MSANTD4: variants seen among roughly 807,000 people sequenced by gnomAD.
MSANTD4 encodes Myb/SANT DNA binding domain containing 4 with coiled-coils, also known as myb/SANT-like DNA-binding domain-containing protein 4.
MSANTD4 carries 13 observed loss-of-function variants against 34.3 expected under a neutral mutation model. That is an observed-to-expected ratio of 0.38 (90% CI 0.25 to 0.60). MSANTD4 has a LOEUF of 0.60. MSANTD4 is among the 20% of genes least tolerant of loss of function. The pLI is 0.63. For synonymous variants in MSANTD4, 137 were observed against 145.2 expected (o/e 0.94, Z 0.41); for missense variants, 358 against 401.8 (o/e 0.89, Z 0.93).
intron 1 of MSANTD4, among the ~76,000 whole-genome samples, chr11:106,020,298 G>C (rs1385378804): frequency 1.3e-5 from 2 of 152,150 alleles, no homozygotes; most frequent in Admixed American, 6.6e-5. Flanking sequence ...AATTAGGATA[G>C]TGCCAAGCAG....
At position 106,010,038 on chromosome 11, in the gene MSANTD4, C is replaced by T. The variant is rs376999486; in HGVS notation, c.535G>A (p.Asp179Asn). ...PDSRRENELP[D>N]FPHIDEFFTL... ...AAAAACTCATCAATGTGGGGGAAAT[C>T]GGGAAGTTCATTTTCTCTCCTGGAA... Residue 179 changes from aspartate (D) to asparagine (N), a missense_variant, in exon 3 of 3, where the codon GAT becomes AAT. Coordinates refer to ENST00000301919, the MANE Select transcript of MSANTD4 (RefSeq NM_032424.3). 47 of 1,600,384 alleles carry T rather than the reference C, an allele frequency of 2.9e-5. 1 individual carries two copies. The highest frequency in any genetic ancestry group is 5.4e-5 in the African/African-American group (4 of 74,450).
chr11:106,014,547 T>C (rs1384642115), intron 1 of MSANTD4, among the ~76,000 whole-genome samples: 2 of 152,232 alleles, frequency 1.3e-5, no homozygotes, highest in East Asian at 1.9e-4. Flanking sequence ...AGCAAAAATA[T>C]AGCAATTAAG....
At chr11:106,017,519 T>C (rs1384205742) in intron 1 of MSANTD4, among the ~76,000 whole-genome samples, 2 of 152,194 alleles carry the variant, frequency 1.3e-5, no homozygotes, top group Non-Finnish European at 2.9e-5. Flanking sequence ...AAAATATACA[T>C]ATAGTTAGAA....
Position 106,008,311 on chromosome 11 carries a change from A to C in MSANTD4, c.*1224T>G, listed in dbSNP as rs1029303864. The C allele has an allele frequency of 5.2e-5, 8 of 152,438 alleles. No individual in the cohort carries two copies. The highest frequency in any genetic ancestry group is 8.8e-5 in the Non-Finnish European group (6 of 68,040). The allele number at this position is 152,438 out of a possible 1,614,324, so 9.4% of individuals were successfully genotyped here. ...AGATACGTGCTTTGTTCCTCAGGGAAGAGGGAAGGACAAAATATACTACAA... is the reference window on the plus strand; with the variant it reads ...AGATACGTGCTTTGTTCCTCAGGGACGAGGGAAGGACAAAATATACTACAA... On this transcript the variant is annotated 3_prime_UTR_variant, in exon 3 of 3. Transcript: ENST00000301919.
intron 1 of MSANTD4, among the ~76,000 whole-genome samples, chr11:106,017,389 C>T (rs1286661826): frequency 6.6e-6 from 1 of 152,138 alleles, no homozygotes; most frequent in Non-Finnish European, 1.5e-5. Context: ...TGCTTCTTAG[C>T]CCACAGCACA....
chr11:106,013,499 TACC>T (rs1248861513), intron 1 of MSANTD4, among the ~76,000 whole-genome samples: 1 of 152,196 alleles, frequency 6.6e-6, no homozygotes, highest in African/African-American at 2.4e-5. Flanking sequence ...CAAGACTTAC[TACC>T]ACCAGGTTCC....
chr11:106,021,783 A>C lies in MSANTD4; in HGVS notation c.-972T>G, dbSNP rs72981237. The C allele has an allele frequency of 0.15, 22,103 of 152,014 alleles. 1,745 individuals carry two copies. The highest frequency in any genetic ancestry group is 0.18 in the African/African-American group (7,333 of 41,410). 9.4% of individuals were successfully genotyped at this position (152,014 alleles called of 1,614,324 possible). On this transcript the variant is annotated 5_prime_UTR_variant, in exon 1 of 3. Transcript: ENST00000301919. ...CGTCCAAAAAGAGCCCCTGGGAAGAATCGAGTTAGACTGGGCTCCCGGAAG... is the reference window on the plus strand; with the variant it reads ...CGTCCAAAAAGAGCCCCTGGGAAGACTCGAGTTAGACTGGGCTCCCGGAAG...
chr11:106,009,953 A>G lies in MSANTD4; in HGVS notation c.620T>C (p.Ile207Thr), dbSNP rs138707942. The G allele has an allele frequency of 4.3e-6, 7 of 1,613,098 alleles. No individual in the cohort carries two copies. The African/African-American group carries it at 6.7e-5, about 15-fold the overall frequency. Residue 207 changes from isoleucine to threonine, a missense_variant, in exon 3 of 3, where the codon ATT becomes ACT. Ile to Thr is a moderately conservative substitution (Grantham distance 89). This residue lies in a region of MSANTD4 where 312 missense variants were observed against 317.6 expected (regional missense o/e 0.98). Transcript: ENST00000301919. ...AYDEPHLLVN[I>T]EKQKLELEKR... ...TTCCAACTCTAGTTTCTGTTTCTCA[A>G]TATTTACGAGCAAATGAGGCTCATC...
chr11:106,020,807 T>C (rs1456009219), intron 1 of MSANTD4, among the ~76,000 whole-genome samples, 155 bp downstream of exon 1: 1 of 152,228 alleles, frequency 6.6e-6, no homozygotes, highest in Non-Finnish European at 1.5e-5. Context: ...ATTTTTAACC[T>C]GACTGAAATT....
chr11:106,011,741 A>G (rs1016212883), intron 1 of MSANTD4, among the ~76,000 whole-genome samples: 2 of 152,192 alleles, frequency 1.3e-5, no homozygotes, highest in Non-Finnish European at 2.9e-5. Flanking sequence ...TACCATAAAT[A>G]TGTTTTGAAT....
Position 106,008,888 on chromosome 11 carries a change from A to G in MSANTD4, c.*647T>C, listed in dbSNP as rs1859599606. On this transcript the variant is annotated 3_prime_UTR_variant, in exon 3 of 3. Coordinates refer to ENST00000301919, the MANE Select transcript of MSANTD4 (RefSeq NM_032424.3). Reference sequence around the variant, plus strand: ...ATAGATGGAAACATGGGAATAAAATACCTATAATCTTCATCACTTCCTATA... The same window carrying G: ...ATAGATGGAAACATGGGAATAAAATGCCTATAATCTTCATCACTTCCTATA... 6.6e-6 allele frequency: 1 copy of G among 152,244 alleles called. No individual in the cohort carries two copies. Among genetic ancestry groups the G allele is most frequent in the African/African-American group, 2.4e-5 (1 of 41,468 alleles). The allele number at this position is 152,244 out of a possible 1,614,324, so 9.4% of individuals were successfully genotyped here.
intron 1 of MSANTD4, among the ~76,000 whole-genome samples, chr11:106,013,245 A>T (rs1328321556): frequency 3.9e-5 from 6 of 152,174 alleles, no homozygotes; most frequent in Non-Finnish European, 7.3e-5. Context: ...ACTGCTACAG[A>T]GCTGACTTTT....
At position 106,022,063 on chromosome 11, in the gene MSANTD4, T is replaced by C. The variant is rs1159444317; in HGVS notation, c.-1252A>G. 1 of 152,316 alleles carries C rather than the reference T, an allele frequency of 6.6e-6. No homozygotes were observed. Among genetic ancestry groups the C allele is most frequent in the Non-Finnish European group, 1.5e-5 (1 of 68,188 alleles). 9.4% of individuals were successfully genotyped at this position (152,316 alleles called of 1,614,324 possible). A position where few individuals can be genotyped will look rare whatever the true frequency, so the allele number is the denominator to read the frequency against. On this transcript the variant is annotated 5_prime_UTR_variant, in exon 1 of 3. Transcript: ENST00000301919. ...TGCAGTCCCGCTACGTCGCAGCCCT[T>C]GGACCAAACCCGGCAGCAAGCGTTG...
At chr11:106,015,608 G>A (rs964077395) in intron 1 of MSANTD4, among the ~76,000 whole-genome samples, 2 of 152,036 alleles carry the variant, frequency 1.3e-5, no homozygotes, top group African/African-American at 2.4e-5. Context: ...AATCAATTGC[G>A]GACATCTCTT....
chr11:106,012,534 G>A (rs1859726690), intron 1 of MSANTD4, among the ~76,000 whole-genome samples: 2 of 152,284 alleles, frequency 1.3e-5, no homozygotes, highest in African/African-American at 4.8e-5. Flanking sequence ...TACAGATTTT[G>A]AGTGGAAAAG....
intron 1 of MSANTD4, among the ~76,000 whole-genome samples, chr11:106,016,014 T>C (rs1285763248): frequency 6.6e-6 from 1 of 152,114 alleles, no homozygotes; most frequent in African/African-American, 2.4e-5. Context: ...TGCACCACCA[T>C]GTACTACTAA....
intron 1 of MSANTD4, among the ~76,000 whole-genome samples, chr11:106,018,674 A>G (rs1662750880): frequency 6.6e-6 from 1 of 152,250 alleles, no homozygotes; most frequent in Non-Finnish European, 1.5e-5. Flanking sequence ...TAAAATACAG[A>G]CAAAGCTGGT....
Position 106,009,948 on chromosome 11 carries a change from T to G in MSANTD4, c.625A>C (p.Lys209Gln). Reference sequence around the variant, plus strand: ...CGTTTTTCCAACTCTAGTTTCTGTTTCTCAATATTTACGAGCAAATGAGGC... The same window carrying G: ...CGTTTTTCCAACTCTAGTTTCTGTTGCTCAATATTTACGAGCAAATGAGGC... ...DEPHLLVNIEKQKLELEKRRL... is the reference protein window; with the variant it reads ...DEPHLLVNIEQQKLELEKRRL... The change falls in exon 3 of 3, where the codon AAA (lysine) becomes CAA (glutamine). Residue 209 changes from lysine (K) to glutamine (Q), a missense_variant. Lys to Gln is a moderately conservative substitution (Grantham distance 53). Coordinates refer to ENST00000301919, the MANE Select transcript of MSANTD4 (RefSeq NM_032424.3). The G allele has an allele frequency of 6.2e-7, 1 of 1,613,494 alleles. No individual in the cohort carries two copies. The highest frequency in any genetic ancestry group is 8.5e-7 in the Non-Finnish European group (1 of 1,180,026).
rs1376730456 is a variant in MSANTD4, at chr11:106,009,782, A to C, written c.791T>G (p.Leu264Trp). 10 of 1,614,166 alleles carry C rather than the reference A, an allele frequency of 6.2e-6. No homozygotes were observed. The South Asian group carries it at 8.8e-5, about 14-fold the overall frequency. ...KERLQIEREK[L>W]RLQIVNSEKP... ...CTCTGAATTGACTATCTGTAACCTC[A>C]ACTTTTCTCTTTCAATCTGCAGCCG... Residue 264 changes from leucine to tryptophan, a missense_variant, in exon 3 of 3, where the codon TTG becomes TGG. Physicochemically the swap from Leu to Trp is moderately conservative, Grantham distance 61. This residue lies in a region of MSANTD4 where 312 missense variants were observed against 317.6 expected (regional missense o/e 0.98). Transcript: ENST00000301919.
Sources: allele counts gnomAD v4.1 joint callset (sites outside exome capture counted in the v4.1 genomes callset), GRCh38; gene constraint gnomAD v4.1.1; regional missense constraint gnomAD v4.1.1; transcripts MANE v1.5; gene names NCBI Gene and HGNC (gene_info 2026-07-23, HGNC 2026-07-21).